Variants in ARID1B observed in about 807,000 individuals in gnomAD.
ARID1B encodes AT-rich interactive domain-containing protein 1B.
A neutral mutation model predicts 212.3 loss-of-function variants in ARID1B; 30 were observed. The observed-to-expected ratio is 0.14, with a 90% CI of 0.11 to 0.19. ARID1B has a LOEUF of 0.19. ARID1B is among the 10% of genes least tolerant of loss of function. The pLI, the probability that ARID1B is intolerant of heterozygous loss-of-function variation, is 1.00. For missense variants in ARID1B, 2,891 were observed against 3,204.0 expected, an observed-to-expected ratio of 0.90 and a Z score of 2.36; for synonymous variants, 1,402 against 1,301.7, an observed-to-expected ratio of 1.08 and a Z score of -1.66.
intron 4 of ARID1B, among the ~76,000 whole-genome samples, chr6:157,014,621 T>A (rs1779800159): frequency 1.3e-5 from 2 of 152,180 alleles, no homozygotes; most frequent in Admixed American, 1.3e-4. Context: ...GCTACTAGGC[T>A]TTATAGATGT....
At chr6:156,798,139 G>A (rs1287058375) in intron 1 of ARID1B, among the ~76,000 whole-genome samples, 1 of 152,250 alleles carries the variant, frequency 6.6e-6, no homozygotes, top group Non-Finnish European at 1.5e-5. Context: ...GGTGTTTGAT[G>A]TGTTGTTCTT....
chr6:157,131,545 G>A (rs1788548863), intron 6 of ARID1B, among the ~76,000 whole-genome samples: 1 of 152,104 alleles, frequency 6.6e-6, no homozygotes, highest in Admixed American at 6.5e-5. Context: ...AGGAACTCTG[G>A]GACCTGCAGT....
chr6:157,129,562 A>G (rs1322461698), intron 6 of ARID1B, among the ~76,000 whole-genome samples: 1 of 152,258 alleles, frequency 6.6e-6, no homozygotes, highest in Non-Finnish European at 1.5e-5. Flanking sequence ...TGTAATTTCT[A>G]TGTAAGGAGG....
intron 7 of ARID1B, 107 bp downstream of exon 7, chr6:157,133,314 A>G: frequency 2.4e-6 from 3 of 1,265,186 alleles, no homozygotes; most frequent in Non-Finnish European, 2.1e-6. Flanking sequence ...AAGATCCATT[A>G]TCTGTTACCT....
In ARID1B at chr6:156,913,621, C is replaced by T. The variant is rs535289827; in HGVS notation, c.2136+12096C>T. 4.6e-5 allele frequency among the ~76,000 whole-genome samples: 7 copies of T among 152,196 alleles called. No homozygotes were observed. The East Asian group carries it at 1.4e-3, about 29-fold the overall frequency. On this transcript the variant is annotated intron_variant, in intron 3 of 19. Transcript: ENST00000636930. The stretch of plus-strand genomic sequence containing the variant: ...CTAACTGAAATTTTGTATCTTTGAT[C>T]GACATCTTCCCAACTTCCAGCCCAC...
At chr6:157,188,719 CCTAGA>C (rs1432447661) in intron 13 of ARID1B, among the ~76,000 whole-genome samples, 2 of 152,128 alleles carry the variant, frequency 1.3e-5, no homozygotes, top group African/African-American at 4.8e-5. Flanking sequence ...TAGAAGAGAA[CCTAGA>C]CTATAGTAGG....
intron 4 of ARID1B, among the ~76,000 whole-genome samples, chr6:157,069,449 C>T (rs1425104374): frequency 6.6e-6 from 1 of 152,164 alleles, no homozygotes; most frequent in East Asian, 1.9e-4. Flanking sequence ...AAATTTAACA[C>T]TACTAATTTC....
At chr6:157,021,336 C>G (rs1340701614) in intron 4 of ARID1B, among the ~76,000 whole-genome samples, 1 of 152,238 alleles carries the variant, frequency 6.6e-6, no homozygotes, top group Non-Finnish European at 1.5e-5. Context: ...CCACGGACCC[C>G]GGAATCCCCC....
At chr6:156,830,365 T>G (rs1783061503) in intron 2 of ARID1B, among the ~76,000 whole-genome samples, 1 of 152,226 alleles carries the variant, frequency 6.6e-6, no homozygotes, top group African/African-American at 2.4e-5. Context: ...TTGACAGTGC[T>G]GTCTCAGGAA....
intron 1 of ARID1B, among the ~76,000 whole-genome samples, chr6:156,815,499 A>AG (rs1486386555): frequency 3.3e-5 from 5 of 152,136 alleles, no homozygotes; most frequent in African/African-American, 1.2e-4. Context: ...TTAAAATAAC[A>AG]GTGCTTTTCA....
chr6:156,825,343 G>C (rs1782668068), intron 1 of ARID1B, among the ~76,000 whole-genome samples: 2 of 152,178 alleles, frequency 1.3e-5, no homozygotes, highest in African/African-American at 4.8e-5. Context: ...ATGAGTAACT[G>C]TTTTTCTATC....
intron 4 of ARID1B, among the ~76,000 whole-genome samples, chr6:156,981,802 T>C (rs1367144366): frequency 2.6e-5 from 4 of 150,966 alleles, no homozygotes; most frequent in Non-Finnish European, 4.4e-5. Context: ...CATTACCTCG[T>C]TTTTTTTTCA....
At chr6:157,066,214 A>G (rs1783668647) in intron 4 of ARID1B, among the ~76,000 whole-genome samples, 1 of 152,250 alleles carries the variant, frequency 6.6e-6, no homozygotes, top group South Asian at 2.1e-4. Context: ...TGTTTCATAT[A>G]GTAACTAAAA....
intron 12 of ARID1B, 27 bp downstream of exon 12, chr6:157,181,205 A>T (rs372009346): frequency 1.1e-5 from 17 of 1,609,494 alleles, no homozygotes; most frequent in Non-Finnish European, 1.3e-5. Context: ...GAGGGGGTGA[A>T]AAAGGAAGCA....
At chr6:157,003,253 C>A (rs1267295779) in intron 4 of ARID1B, among the ~76,000 whole-genome samples, 1 of 152,102 alleles carries the variant, frequency 6.6e-6, no homozygotes, top group Non-Finnish European at 1.5e-5. Flanking sequence ...TTGGAAGGGA[C>A]CAGACTGGAG....
At chr6:157,032,833 T>TA (rs908410654) in intron 4 of ARID1B, among the ~76,000 whole-genome samples, 12 of 151,976 alleles carry the variant, frequency 7.9e-5, no homozygotes, top group South Asian at 2.1e-4. Context: ...CCACCTTTTT[T>TA]AAAAAAAACT....
chr6:156,878,599 A>G (rs908090130), intron 2 of ARID1B, among the ~76,000 whole-genome samples: 1 of 152,212 alleles, frequency 6.6e-6, no homozygotes, highest in Admixed American at 6.5e-5. Context: ...TCAATAATCT[A>G]GCTGCCTGTA....
intron 4 of ARID1B, among the ~76,000 whole-genome samples, chr6:157,031,431 G>A (rs1781011402): frequency 6.6e-6 from 1 of 152,090 alleles, no homozygotes; most frequent in African/African-American, 2.4e-5. Context: ...CTAAATTCTT[G>A]GTAATACCCT....
At position 156,777,861 on chromosome 6, in the gene ARID1B, G is replaced by A. The variant is rs1377689300; in HGVS notation, c.181G>A (p.Gly61Ser). ...AAAPGPMLGG[G>S]GDGGGGLNSV... ...GGCACCGGGACCCATGCTGGGGGGC[G>A]GCGGCGACGGCGGCGGCGGCCTGAA... is the stretch of plus-strand genomic sequence containing the variant. The change falls in exon 1 of 20, where the codon GGC becomes AGC. Residue 61 changes from glycine (G) to serine (S), a missense_variant. Gly to Ser is a moderately conservative substitution (Grantham distance 56, BLOSUM62 0). This residue lies in a region of ARID1B where 1,643 missense variants were observed against 1,544.0 expected (regional missense o/e 1.06). Transcript: ENST00000636930. 1 of 1,341,256 alleles carries A rather than the reference G, an allele frequency of 7.5e-7. No homozygotes were observed. Among genetic ancestry groups the A allele is most frequent in the South Asian group, 1.8e-5 (1 of 54,988 alleles). 83.1% of individuals were successfully genotyped at this position (1,341,256 alleles called of 1,614,324 possible).
Sources: gnomAD v4.1 joint callset for allele counts (sites outside exome capture counted in the v4.1 genomes callset) on GRCh38, gnomAD v4.1.1 for gene constraint, gnomAD v4.1.1 regional missense constraint, MANE v1.5 for transcripts, NCBI Gene and HGNC (gene_info 2026-07-23, HGNC 2026-07-21) for gene names.